Variants in SLC14A2 observed in about 807,000 individuals in gnomAD.
SLC14A2 encodes the protein solute carrier family 14 member 2.
SLC14A2 carries 91 observed loss-of-function variants against 104.6 expected under a neutral mutation model. The ratio of observed to expected loss-of-function variants is 0.87; its 90% CI spans 0.73 to 1.04. The LOEUF (loss-of-function observed/expected upper bound fraction) is 1.04, where lower values mean the gene tolerates loss of function less well. Among genes scored for constraint, SLC14A2 ranks in the 50% least tolerant of loss-of-function variants. The pLI is 0.00. For synonymous variants in SLC14A2, 476 were observed against 466.4 expected (o/e 1.02, Z -0.27); for missense variants, 1,189 against 1,156.0 (o/e 1.03, Z -0.41).
chr18:45,447,632 T>C (rs1272308880), intron 1 of SLC14A2: 1 of 152,224 alleles, frequency 6.6e-6, no homozygotes, highest in African/African-American at 2.4e-5. Context: ...AAAAACCAGC[T>C]GCTATAAAGC....
chr18:45,639,988 C>T, intron 7 of SLC14A2, 95 bp downstream of exon 7: 2 of 1,222,912 alleles, frequency 1.6e-6, no homozygotes, highest in Non-Finnish European at 2.3e-6. Context: ...ATTCTCTTCC[C>T]TGCAGTTTTA....
intron 1 of SLC14A2, among the ~76,000 whole-genome samples, chr18:45,431,160 C>G (rs2086508956): frequency 6.6e-6 from 1 of 152,182 alleles, no homozygotes; most frequent in Non-Finnish European, 1.5e-5. Context: ...GAATAGTTCT[C>G]TATATGGTAT....
At chr18:45,169,134 A>C in the SLC14A2 span, 1 of 152,082 alleles carries the variant, frequency 6.6e-6, no homozygotes, top group Non-Finnish European at 1.5e-5. Flanking sequence ...CTCTAAATAC[A>C]CTCCTCTTGT....
At chr18:45,389,839 C>T (rs1187880379) in intron 1 of SLC14A2, among the ~76,000 whole-genome samples, 8 of 152,122 alleles carry the variant, frequency 5.3e-5, no homozygotes, top group African/African-American at 1.9e-4. Context: ...GGAGTAAAAA[C>T]GTTGACCCTG....
intron 1 of SLC14A2, among the ~76,000 whole-genome samples, chr18:45,384,606 T>C (rs1457537349): frequency 6.6e-6 from 1 of 152,162 alleles, no homozygotes; most frequent in African/African-American, 2.4e-5. Context: ...CTCTGCTGGA[T>C]GGTATGTAGC....
chr18:45,387,845 G>A (rs777368276), intron 1 of SLC14A2, among the ~76,000 whole-genome samples: 23 of 152,090 alleles, frequency 1.5e-4, no homozygotes, highest in Admixed American at 4.6e-4. Context: ...AGAAAATTGA[G>A]GCTATTTGTC....
chr18:45,566,515 GCACACACACACACA>G (rs66828313), intron 2 of SLC14A2, among the ~76,000 whole-genome samples: 16 of 150,056 alleles, frequency 1.1e-4, no homozygotes, highest in Non-Finnish European at 1.9e-4. Flanking sequence ...GCTCACGCTC[GCACACACACACACA>G]CACACACACA....
chr18:45,434,489 T>C (rs1200969028), intron 1 of SLC14A2, among the ~76,000 whole-genome samples: 1 of 149,520 alleles, frequency 6.7e-6, no homozygotes, highest in East Asian at 2.0e-4. Flanking sequence ...TTGTTGTTGT[T>C]TGCATGATTT....
chr18:45,250,601 C>T (rs1909958682), intron 1 of SLC14A2, among the ~76,000 whole-genome samples: 1 of 152,026 alleles, frequency 6.6e-6, no homozygotes, highest in Non-Finnish European at 1.5e-5. Context: ...GTCTCCAGAG[C>T]TCTATCTGGG....
At chr18:45,594,586 C>T (rs2044696261) in intron 2 of SLC14A2, among the ~76,000 whole-genome samples, 1 of 152,164 alleles carries the variant, frequency 6.6e-6, no homozygotes, top group Non-Finnish European at 1.5e-5. Flanking sequence ...GGCATCTGAA[C>T]AGCAGGGCAG....
chr18:45,626,807 C>T (rs1196675354), intron 3 of SLC14A2, 151 bp from the exon 4 acceptor site: 2 of 337,458 alleles, frequency 5.9e-6, no homozygotes, highest in East Asian at 6.5e-5. Context: ...CTCCCCTCTA[C>T]CCCCACCCCT....
chr18:45,349,228 CA>C (rs2085478831), intron 1 of SLC14A2, among the ~76,000 whole-genome samples: 1 of 152,202 alleles, frequency 6.6e-6, no homozygotes, highest in Non-Finnish European at 1.5e-5. Flanking sequence ...TGATGAAAAA[CA>C]CATGATGCAA....
chr18:45,271,358 T>C (rs1568129397), intron 1 of SLC14A2, among the ~76,000 whole-genome samples: 1 of 152,148 alleles, frequency 6.6e-6, no homozygotes. Context: ...TAAAAGATCA[T>C]GTTAGCACAG....
chr18:45,364,160 C>A (rs1186054006), intron 1 of SLC14A2, among the ~76,000 whole-genome samples: 1 of 152,184 alleles, frequency 6.6e-6, no homozygotes, highest in Non-Finnish European at 1.5e-5. Flanking sequence ...CCCTTGCCTC[C>A]TACCACACTT....
chr18:45,565,974 CAT>C (rs748684329), intron 2 of SLC14A2, among the ~76,000 whole-genome samples: 2 of 152,138 alleles, frequency 1.3e-5, no homozygotes, highest in Non-Finnish European at 2.9e-5. Context: ...CAGGTGGGGA[CAT>C]GTGTGTTTTG....
intron 1 of SLC14A2, among the ~76,000 whole-genome samples, chr18:45,248,978 C>T (rs2084394274): frequency 6.6e-6 from 1 of 151,978 alleles, no homozygotes; most frequent in Admixed American, 6.6e-5. Flanking sequence ...CATTGCTGTC[C>T]ACGTTCCATA....
intron 1 of SLC14A2, among the ~76,000 whole-genome samples, chr18:45,298,230 T>G (rs893280174): frequency 6.6e-6 from 1 of 152,214 alleles, no homozygotes; most frequent in Non-Finnish European, 1.5e-5. Flanking sequence ...GAATCATTTG[T>G]TCTAGGAGAC....
intron 1 of SLC14A2, among the ~76,000 whole-genome samples, chr18:45,272,020 A>G (rs1036277065): frequency 7.9e-5 from 12 of 152,102 alleles, no homozygotes; most frequent in Non-Finnish European, 1.6e-4. Flanking sequence ...CTCATCTTTG[A>G]CAAGGATACC....
chr18:45,272,697 A>G (rs1021754672), intron 1 of SLC14A2, among the ~76,000 whole-genome samples: 4 of 152,152 alleles, frequency 2.6e-5, no homozygotes, highest in African/African-American at 9.7e-5. Context: ...TTGGAAGCAC[A>G]ATAGGGTGAC....
Sources: allele counts gnomAD v4.1 joint callset (sites outside exome capture counted in the v4.1 genomes callset), GRCh38; gene constraint gnomAD v4.1.1; transcripts MANE v1.5; gene names NCBI Gene and HGNC (gene_info 2026-07-23, HGNC 2026-07-21).